The following TBC1D19 variants were observed in gnomAD, a reference collection of about 807,000 sequenced individuals.
TBC1D19 encodes the protein TBC1 domain family member 19.
In TBC1D19, 60 loss-of-function variants were observed where a neutral mutation model predicts 89.0. That is an observed-to-expected ratio of 0.67 (90% CI 0.55 to 0.84). The LOEUF (loss-of-function observed/expected upper bound fraction) is 0.84. Ranked by LOEUF, TBC1D19 falls within the 40% of genes least tolerant of loss-of-function variation. The pLI, the probability that TBC1D19 is intolerant of heterozygous loss-of-function variation, is 0.00. For missense variants in TBC1D19, 500 were observed against 610.8 expected (o/e 0.82, Z 1.91); for synonymous variants, 189 against 199.7 (o/e 0.95, Z 0.45).
the TBC1D19 span, among the ~76,000 whole-genome samples, chr4:26,799,158 T>C: frequency 6.6e-6 from 1 of 152,028 alleles, no homozygotes; most frequent in Non-Finnish European, 1.5e-5. Flanking sequence ...CTGGAGAACA[T>C]AAAGAGATAC....
intron 3 of TBC1D19, among the ~76,000 whole-genome samples, chr4:26,618,503 A>G (rs1427943201): frequency 6.6e-6 from 1 of 152,216 alleles, no homozygotes; most frequent in Non-Finnish European, 1.5e-5. Context: ...TGAAGGGATC[A>G]TGGCTAAGGA....
the TBC1D19 span, among the ~76,000 whole-genome samples, chr4:26,773,445 G>T: frequency 1.3e-5 from 2 of 152,146 alleles, no homozygotes; most frequent in African/African-American, 4.8e-5. Context: ...AGTTTATTTT[G>T]CTGTGCAGAA....
At chr4:26,741,701 G>T (rs1215008420) in intron 17 of TBC1D19, among the ~76,000 whole-genome samples, 2 of 151,504 alleles carry the variant, frequency 1.3e-5, no homozygotes, top group African/African-American at 4.9e-5. Context: ...CAGCTAGACT[G>T]AACTATTTGG....
chr4:26,698,895 A>G (rs1010580626), intron 13 of TBC1D19, among the ~76,000 whole-genome samples: 6 of 152,378 alleles, frequency 3.9e-5, no homozygotes, highest in African/African-American at 1.2e-4. Context: ...TGTGAGACCT[A>G]AAACCATAAA....
At chr4:26,746,950 A>C (rs1422264863) in intron 18 of TBC1D19, among the ~76,000 whole-genome samples, 1 of 152,214 alleles carries the variant, frequency 6.6e-6, no homozygotes, top group Admixed American at 6.5e-5. Context: ...CACGTACAGC[A>C]TAGATACACC....
the TBC1D19 span, among the ~76,000 whole-genome samples, chr4:26,840,449 C>T: frequency 2.6e-5 from 4 of 151,978 alleles, no homozygotes; most frequent in African/African-American, 9.6e-5. Context: ...CACTGTAGAC[C>T]TCCGAGGAGA....
At chr4:26,839,183 A>G in the TBC1D19 span, among the ~76,000 whole-genome samples, 1 of 152,206 alleles carries the variant, frequency 6.6e-6, no homozygotes, top group South Asian at 2.1e-4. Flanking sequence ...TCTTTCCACA[A>G]TATAAACAAA....
chr4:26,787,077 T>C, the TBC1D19 span, among the ~76,000 whole-genome samples: 1 of 151,642 alleles, frequency 6.6e-6, no homozygotes, highest in Admixed American at 6.6e-5. Flanking sequence ...TGGCATGTGG[T>C]AGACACATAA....
At chr4:26,825,922 C>G in the TBC1D19 span, among the ~76,000 whole-genome samples, 1 of 152,182 alleles carries the variant, frequency 6.6e-6, no homozygotes, top group African/African-American at 2.4e-5. Context: ...GCTAAGCTGG[C>G]CGGGCATGGT....
At chr4:26,848,544 A>G in the TBC1D19 span, among the ~76,000 whole-genome samples, 1 of 152,258 alleles carries the variant, frequency 6.6e-6, no homozygotes, top group African/African-American at 2.4e-5. Context: ...TAGAACAGGA[A>G]TGAACACTGA....
At chr4:26,651,895 G>C (rs371394373) in intron 7 of TBC1D19, among the ~76,000 whole-genome samples, 14 of 151,914 alleles carry the variant, frequency 9.2e-5, no homozygotes, top group Non-Finnish European at 1.8e-4. Flanking sequence ...CCATCAATAC[G>C]TAATTTATTG....
intron 7 of TBC1D19, among the ~76,000 whole-genome samples, chr4:26,642,752 A>C (rs919414370): frequency 1.1e-4 from 17 of 152,312 alleles, no homozygotes; most frequent in African/African-American, 3.8e-4. Flanking sequence ...AAGCAAATGG[A>C]AAGCACAAAA....
chr4:26,618,328 A>C (rs993340920), intron 3 of TBC1D19, among the ~76,000 whole-genome samples: 1 of 152,214 alleles, frequency 6.6e-6, no homozygotes, highest in Non-Finnish European at 1.5e-5. Flanking sequence ...CAAAGGAAGC[A>C]ATATCCAGGC....
At chr4:26,823,620 G>A in the TBC1D19 span, among the ~76,000 whole-genome samples, 1 of 152,186 alleles carries the variant, frequency 6.6e-6, no homozygotes, top group East Asian at 1.9e-4. Flanking sequence ...CACCAGTGGA[G>A]AGATGATAAG....
intron 15 of TBC1D19, among the ~76,000 whole-genome samples, chr4:26,734,934 G>GTGTGTATATGTATACACATATGTATA (rs1717883291): frequency 8.5e-6 from 1 of 118,056 alleles, no homozygotes; most frequent in Non-Finnish European, 1.8e-5. Context: ...ACATATATGT[G>GTGTGTATATGTATACACATATGTATA]TGTATATATG....
At chr4:26,716,230 T>C (rs1327114094) in intron 13 of TBC1D19, among the ~76,000 whole-genome samples, 1 of 152,058 alleles carries the variant, frequency 6.6e-6, no homozygotes, top group Non-Finnish European at 1.5e-5. Context: ...GCCTGGTGCA[T>C]AGTAGGGGCA....
chr4:26,840,670 G>C, the TBC1D19 span, among the ~76,000 whole-genome samples: 20 of 152,126 alleles, frequency 1.3e-4, no homozygotes, highest in Non-Finnish European at 2.4e-4. Context: ...AGCTTCCTGG[G>C]CTTGCAGTCA....
chr4:26,622,746 A>G (rs933075658), intron 4 of TBC1D19, among the ~76,000 whole-genome samples: 1 of 152,204 alleles, frequency 6.6e-6, no homozygotes, highest in Non-Finnish European at 1.5e-5. Flanking sequence ...ATTCATTTGC[A>G]TATTGGTTGT....
chr4:26,738,118 A>G (rs982818175), intron 16 of TBC1D19, among the ~76,000 whole-genome samples: 2 of 151,784 alleles, frequency 1.3e-5, no homozygotes, highest in South Asian at 2.1e-4. Flanking sequence ...TTTTACATAT[A>G]ATCTATAATG....
Sources: allele counts gnomAD v4.1 joint callset (sites outside exome capture counted in the v4.1 genomes callset), GRCh38; gene constraint gnomAD v4.1.1; transcripts MANE v1.5; gene names NCBI Gene and HGNC (gene_info 2026-07-23, HGNC 2026-07-21).